PPP6C: variants seen among roughly 807,000 people sequenced by gnomAD.
PPP6C encodes the protein protein phosphatase 6 catalytic subunit.
PPP6C carries 11 observed loss-of-function variants against 39.8 expected under a neutral mutation model. The ratio of observed to expected loss-of-function variants is 0.28; its 90% CI spans 0.17 to 0.46. PPP6C has a LOEUF of 0.46. Among genes scored for constraint, PPP6C ranks in the 20% least tolerant of loss-of-function variants. The pLI is 1.00. For synonymous variants in PPP6C, 129 were observed against 130.3 expected (o/e 0.99, Z 0.07); for missense variants, 211 against 373.9 (o/e 0.56, Z 3.59).
At chr9:125,188,793 C>CAATAATAAT (rs57163595) in intron 1 of PPP6C, 7,897 of 255,220 alleles carry the variant, frequency 0.031, 179 homozygotes, top group Middle Eastern at 0.053. Flanking sequence ...CAGTTAAAAA[C>CAATAATAAT]AATAATAATA....
intron 4 of PPP6C, among the ~76,000 whole-genome samples, chr9:125,156,971 G>A (rs1456974003): frequency 6.6e-6 from 1 of 151,900 alleles, no homozygotes; most frequent in Non-Finnish European, 1.5e-5. Context: ...CCACCACCAT[G>A]CCCGGCTAAA....
intron 1 of PPP6C, among the ~76,000 whole-genome samples, chr9:125,174,771 C>T (rs1166380001): frequency 1.3e-5 from 2 of 151,764 alleles, no homozygotes; most frequent in African/African-American, 4.8e-5. Flanking sequence ...ATAAGCTGGT[C>T]AGTAGAGGCA....
chr9:125,175,367 G>A (rs189177069), intron 1 of PPP6C, among the ~76,000 whole-genome samples: 19 of 151,022 alleles, frequency 1.3e-4, no homozygotes, highest in Non-Finnish European at 2.4e-4. Context: ...GGCCGGGCGC[G>A]GTGGCTCACG....
chr9:125,153,677 T>A lies in PPP6C; in HGVS notation c.525A>T (p.Gln175His), dbSNP rs771845142. 1 of 1,614,092 alleles carries A rather than the reference T, an allele frequency of 6.2e-7. No homozygotes were observed. Among genetic ancestry groups the A allele is most frequent in the African/African-American group, 1.3e-5 (1 of 74,940 alleles). The change falls in exon 6 of 7, where the codon CAA becomes CAT. Residue 175 changes from glutamine (Q) to histidine (H), a missense_variant. Around this residue, in one of 2 missense-constraint regions of PPP6C, gnomAD observed 168 missense variants for 342.6 expected, o/e 0.49. Transcript: ENST00000373547. ...CCTGATTCCGTTCGATGGTTCGAAT[T>A]TGATCCAGTGTTTTGATATCAGGAG... ...GLSPDIKTLD[Q>H]IRTIERNQEI...
chr9:125,153,542 G>C lies in PPP6C; in HGVS notation c.660C>G (p.Val220=), dbSNP rs1836001436. The change falls in exon 6 of 7, where the codon GTC becomes GTG. Residue 220 remains valine (V), a synonymous_variant. Transcript: ENST00000373547. Reference sequence around the variant, plus strand: ...AAAATGTTGGCTTTACCTCATTTGTGACCTTTGCTCCAAAAAGCCAACCTG... The same window carrying C: ...AAAATGTTGGCTTTACCTCATTTGTCACCTTTGCTCCAAAAAGCCAACCTG... ...RGAGWLFGAK[V]TNEFVHINNL... 1.2e-6 allele frequency: 2 copies of C among 1,613,948 alleles called. No individual in the cohort carries two copies. The highest frequency in any genetic ancestry group is 1.7e-6 in the Non-Finnish European group (2 of 1,179,976).
chr9:125,178,447 T>A (rs1017382139), intron 1 of PPP6C, among the ~76,000 whole-genome samples: 12 of 152,194 alleles, frequency 7.9e-5, no homozygotes, highest in African/African-American at 2.9e-4. Flanking sequence ...CATCACTGTA[T>A]CTTCTTTGAT....
At chr9:125,163,326 AG>A (rs1564150293) in intron 2 of PPP6C, among the ~76,000 whole-genome samples, 1 of 152,272 alleles carries the variant, frequency 6.6e-6, no homozygotes, top group African/African-American at 2.4e-5. Context: ...ACACAAAGTC[AG>A]GAAGTGAACA....
intron 2 of PPP6C, among the ~76,000 whole-genome samples, chr9:125,167,397 A>AAAAAAAAAAAAAAC (rs1564152126): frequency 3.0e-4 from 39 of 129,634 alleles, no homozygotes; most frequent in African/African-American, 1.1e-3. Context: ...AAAAAAAAAA[A>AAAAAAAAAAAAAAC]AAGAAATAAA....
Position 125,149,736 on chromosome 9 carries a change from G to T in PPP6C, c.855C>A (p.Phe285Leu). 1 of 1,614,122 alleles carries T rather than the reference G, an allele frequency of 6.2e-7. No individual in the cohort carries two copies. Among genetic ancestry groups the T allele is most frequent in the Non-Finnish European group, 8.5e-7 (1 of 1,180,008 alleles). Residue 285 changes from phenylalanine (F) to leucine (L), a missense_variant, in exon 7 of 7, where the codon TTC becomes TTA. Coordinates refer to ENST00000373547, the MANE Select transcript of PPP6C (RefSeq NM_002721.5). The part of the protein sequence containing the change: ...KDVNTREPKL[F>L]RAVPDSERVI... ...CACGTTCTGAATCTGGAACTGCCCG[G>T]AATAACTTTGGTTCTCTTGTATTTA...
intron 1 of PPP6C, among the ~76,000 whole-genome samples, chr9:125,177,096 C>T (rs910506214): frequency 6.6e-6 from 1 of 152,086 alleles, no homozygotes; most frequent in Non-Finnish European, 1.5e-5. Context: ...AATTCCCGGC[C>T]GGGCGCGGTG....
In PPP6C at chr9:125,189,697, T is replaced by C; in HGVS notation, c.22A>G (p.Lys8Glu). Residue 8 changes from lysine to glutamate, a missense_variant, in exon 1 of 7, where the codon AAG (lysine) becomes GAG (glutamate). Transcript: ENST00000373547. MAPLDLD[K>E]YVEIARLCKY... ...CACAGCCGCGCTATTTCCACATACTTGTCCAGGTCTAGCGGCGCCATTTTA... is the reference window on the plus strand; with the variant it reads ...CACAGCCGCGCTATTTCCACATACTCGTCCAGGTCTAGCGGCGCCATTTTA... 4.4e-6 allele frequency: 7 copies of C among 1,608,860 alleles called. No homozygotes were observed. Among genetic ancestry groups the C allele is most frequent in the Non-Finnish European group, 5.9e-6 (7 of 1,178,030 alleles).
intron 2 of PPP6C, among the ~76,000 whole-genome samples, chr9:125,168,893 T>C (rs994268285): frequency 3.9e-5 from 6 of 152,280 alleles, no homozygotes; most frequent in Non-Finnish European, 7.4e-5. Flanking sequence ...CCCAAGTAGC[T>C]GGGATTACAG....
At chr9:125,156,740 G>GCTCTCT (rs1554721200) in intron 4 of PPP6C, among the ~76,000 whole-genome samples, 1 of 134,092 alleles carries the variant, frequency 7.5e-6, no homozygotes, top group Admixed American at 7.4e-5. Flanking sequence ...TTCCTAATAA[G>GCTCTCT]CTCGCTCTCT....
intron 1 of PPP6C, 121 bp from the exon 2 acceptor site, chr9:125,171,301 A>G (rs1003757580): frequency 5.9e-6 from 4 of 681,904 alleles, no homozygotes; most frequent in Non-Finnish European, 9.1e-6. Flanking sequence ...TTTTGATAGG[A>G]AAGTACCCTG....
intron 2 of PPP6C, among the ~76,000 whole-genome samples, chr9:125,164,697 G>A (rs1377069247): frequency 6.6e-6 from 1 of 152,090 alleles, no homozygotes; most frequent in Non-Finnish European, 1.5e-5. Context: ...TCAGCCTCCT[G>A]AGTAGCTGGA....
chr9:125,147,386 T>A lies in PPP6C; in HGVS notation c.*2287A>T, dbSNP rs2131289807. On this transcript the variant is annotated 3_prime_UTR_variant, in exon 7 of 7. Transcript: ENST00000373547. ...CCCATAAATCTATGACTTGCAAGTA[T>A]CTTCCACCACATGATAACTCTATAT... The A allele has an allele frequency of 6.6e-6, 1 of 152,336 alleles. No individual in the cohort carries two copies. The highest frequency in any genetic ancestry group is 2.1e-4 in the South Asian group (1 of 4,830). The allele number at this position is 152,336 out of a possible 1,614,324, so 9.4% of individuals were successfully genotyped here. A position where few individuals can be genotyped will look rare whatever the true frequency, so the allele number is the denominator to read the frequency against.
intron 1 of PPP6C, among the ~76,000 whole-genome samples, chr9:125,182,342 T>TA (rs200068134): frequency 4.4e-4 from 67 of 151,258 alleles, no homozygotes; most frequent in East Asian, 2.9e-3. Context: ...CTCTTAGCTT[T>TA]AAAAAAAAAG....
chr9:125,177,494 C>G (rs1829327201), intron 1 of PPP6C, among the ~76,000 whole-genome samples: 1 of 152,060 alleles, frequency 6.6e-6, no homozygotes, highest in Middle Eastern at 3.4e-3. Context: ...CCCAGGAGTT[C>G]AAGACCGCCC....
rs1168730026 is a variant in PPP6C, at chr9:125,186,938, C to CTTTTTTTTTTTTTTT, written c.75+2691_75+2705dup. On this transcript the variant is annotated intron_variant, in intron 1 of 6. Transcript: ENST00000373547. ...AAAGAAGTCCAACAGATTTTTCTTT[C>CTTTTTTTTTTTTTTT]TTTTTTTTTTTTTTTTTTTTTTTGG... Among the ~76,000 whole-genome samples, 9 of 83,670 alleles carry CTTTTTTTTTTTTTTT rather than the reference C, an allele frequency of 1.1e-4. 1 individual carries two copies. The highest frequency in any genetic ancestry group is 4.5e-4 in the African/African-American group (9 of 19,826). The allele number at this position is 83,670 out of a possible 152,430, so 54.9% of individuals were successfully genotyped here. A position where few individuals can be genotyped will look rare whatever the true frequency, so the allele number is the denominator to read the frequency against.
Sources: allele counts gnomAD v4.1 joint callset (sites outside exome capture counted in the v4.1 genomes callset), GRCh38; gene constraint gnomAD v4.1.1; regional missense constraint gnomAD v4.1.1; transcripts MANE v1.5; gene names NCBI Gene and HGNC (gene_info 2026-07-23, HGNC 2026-07-21).